The following CNTLN variants were observed in gnomAD, a reference collection of about 807,000 sequenced individuals.
CNTLN encodes the protein centlein, centrosomal protein.
A neutral mutation model predicts 180.0 loss-of-function variants in CNTLN; 212 were observed. The ratio of observed to expected loss-of-function variants is 1.18; its 90% confidence interval spans 1.05 to 1.32. CNTLN has a LOEUF of 1.32. CNTLN is among the 40% of genes most tolerant of loss of function. The pLI, the probability that CNTLN is intolerant of heterozygous loss-of-function variation, is 0.00. For missense variants in CNTLN, 2,095 were observed against 1,610.9 expected, an observed-to-expected ratio of 1.30 and a Z score of -5.14; for synonymous variants, 722 against 563.1, an observed-to-expected ratio of 1.28 and a Z score of -3.99.
chr9:17,161,161 T>G (rs893270084), intron 2 of CNTLN, among the ~76,000 whole-genome samples: 1 of 152,146 alleles, frequency 6.6e-6, no homozygotes, highest in African/African-American at 2.4e-5. Context: ...TTTGATTTCC[T>G]TAGTAGAATA....
chr9:17,464,854 C>T (rs1441509477), intron 21 of CNTLN, among the ~76,000 whole-genome samples: 1 of 150,836 alleles, frequency 6.6e-6, no homozygotes, highest in African/African-American at 2.4e-5. Context: ...TATAAATATC[C>T]CATGAGAAGA....
At chr9:17,294,924 G>A (rs1828594296) in intron 6 of CNTLN, among the ~76,000 whole-genome samples, 2 of 126,794 alleles carry the variant, frequency 1.6e-5, no homozygotes, top group Admixed American at 1.5e-4. Flanking sequence ...GGGGAGTGGG[G>A]GGAGGGCGGG....
intron 18 of CNTLN, among the ~76,000 whole-genome samples, chr9:17,455,252 T>C (rs1366298162): frequency 1.3e-5 from 2 of 152,208 alleles, no homozygotes; most frequent in African/African-American, 2.4e-5. Flanking sequence ...AGATGCTGCA[T>C]AGCATTTCTA....
chr9:17,363,661 G>A (rs62558964), intron 12 of CNTLN, among the ~76,000 whole-genome samples: 18,632 of 151,926 alleles, frequency 0.12, 1,576 homozygotes, highest in Non-Finnish European at 0.19. Context: ...ACCTTGAAAT[G>A]TTTAACTATG....
intron 19 of CNTLN, among the ~76,000 whole-genome samples, chr9:17,460,921 G>C (rs1831409958): frequency 6.6e-6 from 1 of 151,372 alleles, no homozygotes; most frequent in Non-Finnish European, 1.5e-5. Flanking sequence ...CGTATTAAGG[G>C]GTAGGATGAT....
At chr9:17,454,799 G>A (rs978121880) in intron 18 of CNTLN, among the ~76,000 whole-genome samples, 33 of 152,214 alleles carry the variant, frequency 2.2e-4, no homozygotes, top group Admixed American at 9.8e-4. Context: ...CTGGTAAGCA[G>A]TAGACCCAGA....
rs182937788 is a variant in CNTLN at position 17,185,602 on chromosome 9, C to T, written c.450-40601C>T. 9.2e-5 allele frequency among the ~76,000 whole-genome samples: 14 copies of T among 152,066 alleles called. No individual in the cohort carries two copies. In the East Asian group the frequency reaches 1.7e-3, roughly 19 times the overall value. The stretch of plus-strand genomic sequence containing the variant: ...TCTTGGTTTGTGAGTTTGTGAATGA[C>T]GGGTGGGATCTACTATAAGGGTTCC... On this transcript the variant is annotated intron_variant, in intron 2 of 25. Coordinates refer to ENST00000380647, the MANE Select transcript of CNTLN (RefSeq NM_017738.4).
At chr9:17,311,456 T>TTG (rs1170633886) in intron 8 of CNTLN, among the ~76,000 whole-genome samples, 1 of 151,432 alleles carries the variant, frequency 6.6e-6, no homozygotes, top group Non-Finnish European at 1.5e-5. Flanking sequence ...TTTCTGTTTT[T>TTG]TTTTTTTTTT....
intron 2 of CNTLN, among the ~76,000 whole-genome samples, chr9:17,213,839 G>A (rs1050541928): frequency 1.3e-5 from 2 of 152,064 alleles, no homozygotes; most frequent in Non-Finnish European, 2.9e-5. Flanking sequence ...GATCTTTGTT[G>A]ATTTAAAGTC....
chr9:17,417,377 C>T (rs1176106229), intron 18 of CNTLN, among the ~76,000 whole-genome samples: 2 of 151,956 alleles, frequency 1.3e-5, no homozygotes, highest in South Asian at 2.1e-4. Context: ...TTATATCTCA[C>T]CGTGATATTA....
intron 10 of CNTLN, among the ~76,000 whole-genome samples, chr9:17,334,504 A>T (rs886373116): frequency 7.2e-5 from 11 of 152,236 alleles, no homozygotes; most frequent in East Asian, 1.9e-4. Context: ...TTTATATGAG[A>T]TTTCCTATAA....
chr9:17,403,186 C>T (rs1289214595), intron 15 of CNTLN, among the ~76,000 whole-genome samples: 3 of 151,652 alleles, frequency 2.0e-5, no homozygotes, highest in Admixed American at 6.6e-5. Context: ...ACACACAAAG[C>T]CCATTCTGTG....
chr9:17,194,062 C>T (rs1821963903), intron 2 of CNTLN, among the ~76,000 whole-genome samples: 1 of 152,294 alleles, frequency 6.6e-6, no homozygotes, highest in African/African-American at 2.4e-5. Flanking sequence ...GGCACCAAGT[C>T]CCTAGGCTGC....
chr9:17,324,682 T>C (rs377628391), intron 8 of CNTLN, among the ~76,000 whole-genome samples: 11 of 152,286 alleles, frequency 7.2e-5, no homozygotes, highest in African/African-American at 2.6e-4. Flanking sequence ...ATAAGTATAA[T>C]TGGGTTGTAA....
At chr9:17,170,603 C>A (rs1820359768) in intron 2 of CNTLN, among the ~76,000 whole-genome samples, 1 of 152,028 alleles carries the variant, frequency 6.6e-6, no homozygotes, top group South Asian at 2.1e-4. Context: ...GACACTATTT[C>A]ATTTTGCATT....
chr9:17,246,302 A>G (rs1406607674), intron 5 of CNTLN, among the ~76,000 whole-genome samples: 1 of 152,178 alleles, frequency 6.6e-6, no homozygotes, highest in Non-Finnish European at 1.5e-5. Context: ...GTAGACTCAT[A>G]GAAATACTGC....
chr9:17,423,061 C>T (rs115534271), intron 18 of CNTLN, among the ~76,000 whole-genome samples: 1,581 of 152,266 alleles, frequency 0.01, 19 homozygotes, highest in African/African-American at 0.036. Flanking sequence ...CTCACTTTGC[C>T]CCAAACAAAA....
In CNTLN at chr9:17,477,232, C is replaced by A. The variant is rs1832400880; in HGVS notation, c.3856-7063C>A. On this transcript the variant is annotated intron_variant, in intron 23 of 25. Coordinates refer to ENST00000380647, the MANE Select transcript of CNTLN (RefSeq NM_017738.4). ...AATATTGCTGCTCATTGACAATGCA[C>A]CTAGTCACCCAAGAGCTTTGATGGA... Among the ~76,000 whole-genome samples the A allele has an allele frequency of 3.3e-5, 5 of 152,144 alleles. No individual in the cohort carries two copies. In the South Asian group the frequency reaches 1.0e-3, roughly 32 times the overall value.
At chr9:17,144,278 C>A (rs566688856) in intron 2 of CNTLN, among the ~76,000 whole-genome samples, 3 of 152,246 alleles carry the variant, frequency 2.0e-5, no homozygotes, top group Non-Finnish European at 4.4e-5. Flanking sequence ...TAATCAGTTT[C>A]TTCTCATGTT....
Sources: allele counts gnomAD v4.1 joint callset (sites outside exome capture counted in the v4.1 genomes callset), GRCh38; gene constraint gnomAD v4.1.1; transcripts MANE v1.5; gene names NCBI Gene and HGNC (gene_info 2026-07-23, HGNC 2026-07-21).